Variants in KCNT1 observed in about 807,000 individuals in gnomAD.
KCNT1 encodes the protein potassium sodium-activated channel subfamily T member 1.
Under a neutral mutation model 147.8 loss-of-function variants are expected in KCNT1, and 78 were observed. That is an observed-to-expected ratio of 0.53 (90% confidence interval 0.44 to 0.64). The LOEUF is 0.64. Ranked by LOEUF, KCNT1 falls within the 30% of genes least tolerant of loss-of-function variation. The pLI is 0.00. For synonymous variants in KCNT1, 867 were observed against 748.8 expected (o/e 1.16, Z -2.58); for missense variants, 1,419 against 1,750.3 (o/e 0.81, Z 3.38).
At chr9:135,726,243 C>A (rs1482843043) in intron 2 of KCNT1, among the ~76,000 whole-genome samples, 1 of 152,062 alleles carries the variant, frequency 6.6e-6, no homozygotes, top group Non-Finnish European at 1.5e-5. Context: ...AGCCCCTCTC[C>A]ACAGCACTAC....
intron 2 of KCNT1, among the ~76,000 whole-genome samples, chr9:135,740,583 C>T (rs1219666649): frequency 6.6e-6 from 1 of 152,260 alleles, no homozygotes; most frequent in Non-Finnish European, 1.5e-5. Context: ...CTGCAGGACA[C>T]AGCAGGGAAG....
At chr9:135,757,045 C>A in intron 7 of KCNT1, 111 bp from the exon 8 acceptor site, 2 of 1,112,250 alleles carry the variant, frequency 1.8e-6, no homozygotes, top group Non-Finnish European at 2.6e-6. Flanking sequence ...CCAGCCTCAT[C>A]CACTGACCTC....
Position 135,777,385 on chromosome 9 carries a change from G to C in KCNT1, c.2397G>C (p.Lys799Asn). ...AAGACGCCAAGGCCTACGGGTTCAA[G>C]AACAAGCTGATCATCGTCTCGGCAG... ...SYEDAKAYGF[K>N]NKLIIVSAET... Residue 799 changes from lysine (K) to asparagine (N), a missense_variant, in exon 21 of 31, where the codon AAG (lysine) becomes AAC (asparagine). Physicochemically the swap from Lys to Asn is moderately conservative, Grantham distance 94. Around this residue, in one of 5 missense-constraint regions of KCNT1, gnomAD observed 247 missense variants for 397.1 expected, o/e 0.62. Transcript: ENST00000371757. The C allele has an allele frequency of 6.2e-7, 1 of 1,614,120 alleles. No individual in the cohort carries two copies.
chr9:135,769,769 C>T (rs1049850346), intron 15 of KCNT1, among the ~76,000 whole-genome samples, 178 bp from the exon 16 acceptor site: 1 of 152,130 alleles, frequency 6.6e-6, no homozygotes, highest in African/African-American at 2.4e-5. Flanking sequence ...AGGCTCAGAC[C>T]AAGTAGGGGG....
At position 135,752,625 on chromosome 9, in the gene KCNT1, TGATG is replaced by T. The variant is rs566726485; in HGVS notation, c.435-1301_435-1298del. ...GATGGATGGTTGGATGGATGGTGGA[TGATG>T]GATGGATGGACGGACGGACGGATGG... On this transcript the variant is annotated intron_variant, in intron 4 of 30. Transcript: ENST00000371757. The surrounding 1 kb of genome is among the most constrained non-coding windows in gnomAD (Gnocchi z 5.1). Among the ~76,000 whole-genome samples the T allele has an allele frequency of 2.0e-5, 3 of 150,760 alleles. No individual in the cohort carries two copies. The highest frequency in any genetic ancestry group is 4.9e-5 in the African/African-American group (2 of 40,862).
chr9:135,722,471 G>A (rs1259349507), intron 2 of KCNT1, among the ~76,000 whole-genome samples: 1 of 152,262 alleles, frequency 6.6e-6, no homozygotes, highest in Admixed American at 6.5e-5. Flanking sequence ...GCTTCAGGTT[G>A]TAATTCCCAA....
intron 2 of KCNT1, among the ~76,000 whole-genome samples, chr9:135,735,371 G>A (rs1161196189): frequency 6.6e-6 from 1 of 152,194 alleles, no homozygotes; most frequent in African/African-American, 2.4e-5. Flanking sequence ...CCCTCGAGTG[G>A]TCCAGCCCTC....
intron 2 of KCNT1, among the ~76,000 whole-genome samples, chr9:135,718,778 G>A (rs1289262368): frequency 1.3e-5 from 2 of 152,214 alleles, no homozygotes; most frequent in African/African-American, 4.8e-5. Context: ...CAGGACTCGG[G>A]CTTCCTGTTT....
chr9:135,782,870 G>A lies in KCNT1; in HGVS notation c.2842-1154G>A, dbSNP rs895465903. Among the ~76,000 whole-genome samples the A allele has an allele frequency of 3.9e-5, 6 of 152,340 alleles. No homozygotes were observed. In the East Asian group the frequency reaches 7.7e-4, roughly 20 times the overall value. On this transcript the variant is annotated intron_variant, in intron 24 of 30. Transcript: ENST00000371757. Reference sequence around the variant, plus strand: ...CGCACCTGGTTCTTGCCCCAAGAGCGGAAACGCCGCACGAAACTAATTCCA... The same window carrying A: ...CGCACCTGGTTCTTGCCCCAAGAGCAGAAACGCCGCACGAAACTAATTCCA...
chr9:135,778,396 G>A, intron 21 of KCNT1, 28 bp from the exon 22 acceptor site: 4 of 1,546,960 alleles, frequency 2.6e-6, no homozygotes, highest in Non-Finnish European at 3.5e-6. Flanking sequence ...AAGCAGGGTG[G>A]GCCCCTCCAG....
chr9:135,777,985 A>AGCTCCTCCC (rs1554777787), intron 21 of KCNT1, among the ~76,000 whole-genome samples: 1 of 144,238 alleles, frequency 6.9e-6, no homozygotes, highest in African/African-American at 2.6e-5. Flanking sequence ...CAGCTCCTCC[A>AGCTCCTCCC]TGCTCTCAGC....
rs769300779 is a variant in KCNT1, at chr9:135,750,119, C to A, written c.276C>A (p.Val92=). The A allele has an allele frequency of 2.0e-5, 32 of 1,613,650 alleles. 1 individual carries two copies. In the South Asian group the frequency reaches 3.5e-4, roughly 18 times the overall value. ...NDDRVQVEFY[V]NENTFKERLK... is the part of the protein sequence containing the mutation. ...TCAGGGTCCAGGTGGAGTTCTACGT[C>A]AACGAGAACACCTTCAAGGAGCGGC... is the stretch of plus-strand genomic sequence containing the variant. Residue 92 remains valine (V), a synonymous_variant, in exon 3 of 31, where the codon GTC becomes GTA. Coordinates refer to ENST00000371757, the MANE Select transcript of KCNT1 (RefSeq NM_020822.3).
At chr9:135,778,065 T>C (rs1047681938) in intron 21 of KCNT1, among the ~76,000 whole-genome samples, 1 of 150,270 alleles carries the variant, frequency 6.7e-6, no homozygotes, top group African/African-American at 2.5e-5. Flanking sequence ...TGTCACTCCT[T>C]CTGTCCTGTT....
At chr9:135,768,421 C>CT (rs1832483836) in intron 13 of KCNT1, 189 bp from the exon 14 acceptor site, 1 of 541,262 alleles carries the variant, frequency 1.8e-6, no homozygotes, top group Non-Finnish European at 3.2e-6. Context: ...TAGGGGCCTC[C>CT]TCCCGCCTTC....
intron 21 of KCNT1, among the ~76,000 whole-genome samples, chr9:135,778,136 C>T: frequency 6.6e-6 from 1 of 152,212 alleles, no homozygotes; most frequent in Non-Finnish European, 1.5e-5. Context: ...ATGGCTCTTC[C>T]TCCTGGGCAC....
intron 1 of KCNT1, among the ~76,000 whole-genome samples, chr9:135,705,566 T>C (rs1835218113): frequency 1.3e-5 from 2 of 152,228 alleles, no homozygotes; most frequent in South Asian, 2.1e-4. Flanking sequence ...CAGGCTGGGC[T>C]CAGCGTGCCC....
chr9:135,783,989 G>A (rs376587256), intron 24 of KCNT1, 35 bp from the exon 25 acceptor site: 11 of 1,569,290 alleles, frequency 7.0e-6, no homozygotes, highest in Non-Finnish European at 8.7e-6. Context: ...AGGGACCTCG[G>A]CACCAGCCCA....
intron 2 of KCNT1, among the ~76,000 whole-genome samples, chr9:135,737,825 G>C (rs1830404923): frequency 6.6e-6 from 1 of 152,176 alleles, no homozygotes; most frequent in African/African-American, 2.4e-5. Flanking sequence ...AGCAGCCCTG[G>C]GGGGGCACTG....
chr9:135,788,801 A>G (rs548673322), intron 29 of KCNT1, among the ~76,000 whole-genome samples: 3 of 152,228 alleles, frequency 2.0e-5, no homozygotes, highest in African/African-American at 4.8e-5. Flanking sequence ...TCCTCCAAGA[A>G]CATGCTGTGC....
Sources: gnomAD v4.1 joint callset for allele counts (sites outside exome capture counted in the v4.1 genomes callset) on GRCh38, gnomAD v4.1.1 for gene constraint, gnomAD v4.1.1 regional missense constraint, Gnocchi (gnomAD v3.1) non-coding constraint, MANE v1.5 for transcripts, NCBI Gene and HGNC (gene_info 2026-07-23, HGNC 2026-07-21) for gene names.